Variants in AGMO observed in about 807,000 individuals in gnomAD.
AGMO encodes the protein alkylglycerol monooxygenase, also known as glyceryl-ether monooxygenase.
In AGMO, 75 loss-of-function variants were observed where a neutral mutation model predicts 60.2. That is an observed-to-expected ratio of 1.25 (90% confidence interval 1.03 to 1.51). The LOEUF is 1.51. Ranked by LOEUF, AGMO falls within the 40% of genes most tolerant of loss-of-function variation. The pLI is 0.00. For missense variants in AGMO, 763 were observed against 525.5 expected, an observed-to-expected ratio of 1.45 and a Z score of -4.42; for synonymous variants, 261 against 177.1, an observed-to-expected ratio of 1.47 and a Z score of -3.76.
intron 3 of AGMO, among the ~76,000 whole-genome samples, chr7:15,514,196 G>T (rs1273267444): frequency 6.6e-6 from 1 of 151,992 alleles, no homozygotes; most frequent in Non-Finnish European, 1.5e-5. Context: ...TCAACTCCTG[G>T]CTTATAAAAT....
the AGMO span, among the ~76,000 whole-genome samples, chr7:15,152,821 T>G: frequency 6.6e-6 from 1 of 152,172 alleles, no homozygotes; most frequent in African/African-American, 2.4e-5. Flanking sequence ...GCAAGTATCT[T>G]TTTTGTATAA....
At chr7:15,249,692 G>A (rs893704265) in intron 12 of AGMO, among the ~76,000 whole-genome samples, 1 of 152,066 alleles carries the variant, frequency 6.6e-6, no homozygotes, top group Non-Finnish European at 1.5e-5. Context: ...GGATGTGATG[G>A]GGGGGAAATA....
At chr7:15,156,080 T>G in the AGMO span, among the ~76,000 whole-genome samples, 9 of 151,860 alleles carry the variant, frequency 5.9e-5, no homozygotes, top group African/African-American at 2.2e-4. Flanking sequence ...AGTGCTCCAG[T>G]GAGGGGTGGG....
chr7:15,334,863 TAGC>T (rs1217407439), intron 12 of AGMO, among the ~76,000 whole-genome samples: 1 of 152,164 alleles, frequency 6.6e-6, no homozygotes, highest in Non-Finnish European at 1.5e-5. Flanking sequence ...GAGCAAAACC[TAGC>T]TATAAATTCA....
chr7:15,396,884 T>C (rs955814365), intron 5 of AGMO, among the ~76,000 whole-genome samples: 7 of 152,212 alleles, frequency 4.6e-5, no homozygotes, highest in Non-Finnish European at 7.3e-5. Context: ...TGCTGATTAG[T>C]GCGTTTGCAA....
chr7:15,434,113 G>T (rs547078693), intron 3 of AGMO, among the ~76,000 whole-genome samples: 20 of 152,134 alleles, frequency 1.3e-4, no homozygotes, highest in South Asian at 4.1e-4. Flanking sequence ...TTTTGTGGTT[G>T]TGGTAGTCAG....
At chr7:15,252,677 G>A (rs140985145) in intron 12 of AGMO, among the ~76,000 whole-genome samples, 1,862 of 152,260 alleles carry the variant, frequency 0.012, 125 homozygotes, top group Admixed American at 0.11. Flanking sequence ...AGAGGACAAG[G>A]CAAAGCTATG....
chr7:15,193,773 G>A, the AGMO span, among the ~76,000 whole-genome samples: 3 of 152,096 alleles, frequency 2.0e-5, no homozygotes, highest in East Asian at 5.8e-4. Context: ...AACATGAGAG[G>A]ACACAGGTTT....
chr7:15,501,747 G>A (rs1783391149), intron 3 of AGMO, among the ~76,000 whole-genome samples: 1 of 151,798 alleles, frequency 6.6e-6, no homozygotes. Flanking sequence ...ACAAGAAAAT[G>A]GAAAGCTACA....
chr7:15,409,880 C>T (rs1784793317), intron 5 of AGMO, among the ~76,000 whole-genome samples: 1 of 151,550 alleles, frequency 6.6e-6, no homozygotes. Flanking sequence ...GTGAGTTATT[C>T]AGTATATTTA....
chr7:15,366,914 G>A (rs989061334), intron 10 of AGMO, among the ~76,000 whole-genome samples: 2 of 152,028 alleles, frequency 1.3e-5, no homozygotes, highest in Non-Finnish European at 1.5e-5. Context: ...TTCTAAGACA[G>A]TCTGTCCATT....
At chr7:15,166,995 G>T in the AGMO span, among the ~76,000 whole-genome samples, 1 of 152,090 alleles carries the variant, frequency 6.6e-6, no homozygotes, top group African/African-American at 2.4e-5. Flanking sequence ...AAAGATAATA[G>T]AGAGTGATTC....
chr7:15,316,665 T>C (rs923405025), intron 12 of AGMO, among the ~76,000 whole-genome samples: 4 of 152,110 alleles, frequency 2.6e-5, no homozygotes, highest in African/African-American at 9.7e-5. Context: ...GGGATAATAA[T>C]AGATACTTTA....
chr7:15,385,933 C>A (rs948052728), intron 9 of AGMO, among the ~76,000 whole-genome samples: 5 of 152,114 alleles, frequency 3.3e-5, no homozygotes, highest in African/African-American at 1.2e-4. Flanking sequence ...GTAATCCCAG[C>A]ACTTTGGGAG....
At chr7:15,532,228 C>T (rs1018915815) in intron 3 of AGMO, among the ~76,000 whole-genome samples, 1 of 152,072 alleles carries the variant, frequency 6.6e-6, no homozygotes, top group Admixed American at 6.6e-5. Context: ...ATATATGTCA[C>T]CATGATCTAA....
At chr7:15,397,547 G>A (rs1188731105) in intron 5 of AGMO, among the ~76,000 whole-genome samples, 1 of 152,200 alleles carries the variant, frequency 6.6e-6, no homozygotes, top group African/African-American at 2.4e-5. Flanking sequence ...CTGCTAGCAC[G>A]TTGTTACCTC....
rs552632737 is a variant in AGMO, at chr7:15,315,021, C to T, written c.1263+50493G>A. On this transcript the variant is annotated intron_variant, in intron 12 of 12. Transcript: ENST00000342526. ...TAATACTAACCGCCAGCTGATAGCC[C>T]GCAAGAAAAATGGGAACCTAAGTCC... is the stretch of plus-strand genomic sequence containing the variant. 4.6e-5 allele frequency among the ~76,000 whole-genome samples: 7 copies of T among 152,092 alleles called. No homozygotes were observed. In the South Asian group the frequency reaches 1.2e-3, roughly 27 times the overall value.
At chr7:15,489,548 T>C (rs528286589) in intron 3 of AGMO, among the ~76,000 whole-genome samples, 4 of 152,276 alleles carry the variant, frequency 2.6e-5, no homozygotes, top group Admixed American at 2.6e-4. Context: ...GAGCTCCCAC[T>C]AACAGGGTCA....
At chr7:15,216,929 T>A (rs1781759103) in intron 12 of AGMO, among the ~76,000 whole-genome samples, 2 of 152,014 alleles carry the variant, frequency 1.3e-5, no homozygotes, top group Admixed American at 1.3e-4. Flanking sequence ...GATGTACATA[T>A]CTCACACCCT....
Sources: allele counts gnomAD v4.1 joint callset (sites outside exome capture counted in the v4.1 genomes callset), GRCh38; gene constraint gnomAD v4.1.1; transcripts MANE v1.5; gene names NCBI Gene and HGNC (gene_info 2026-07-23, HGNC 2026-07-21).